Variants in SOAT1 observed in about 807,000 individuals in gnomAD.
SOAT1 encodes sterol O-acyltransferase 1.
SOAT1 carries 55 observed loss-of-function variants against 69.5 expected under a neutral mutation model. The ratio of observed to expected loss-of-function variants is 0.79; its 90% CI spans 0.64 to 0.99. The LOEUF (loss-of-function observed/expected upper bound fraction) is 0.99, where lower values mean the gene tolerates loss of function less well. Ranked by LOEUF, SOAT1 falls within the 50% of genes least tolerant of loss-of-function variation. SOAT1 has a pLI of 0.00. For synonymous variants in SOAT1, 231 were observed against 224.7 expected, an observed-to-expected ratio of 1.03 and a Z score of -0.25; for missense variants, 580 against 669.3, an observed-to-expected ratio of 0.87 and a Z score of 1.47.
At chr1:179,324,114 A>G (rs1236836184) in intron 3 of SOAT1, among the ~76,000 whole-genome samples, 1 of 152,232 alleles carries the variant, frequency 6.6e-6, no homozygotes, top group Non-Finnish European at 1.5e-5. Context: ...CTATATAAAC[A>G]TCCGGTGATG....
intron 1 of SOAT1, among the ~76,000 whole-genome samples, chr1:179,300,893 C>T (rs1016611393): frequency 2.0e-5 from 3 of 151,894 alleles, no homozygotes; most frequent in Non-Finnish European, 2.9e-5. Flanking sequence ...GTCAGAAGTT[C>T]GAGACCAGCG....
At chr1:179,346,006 T>G (rs1056849577) in intron 11 of SOAT1, among the ~76,000 whole-genome samples, 3 of 152,226 alleles carry the variant, frequency 2.0e-5, no homozygotes, top group Non-Finnish European at 4.4e-5. Context: ...ATGTATTATC[T>G]TTACAGTCTG....
chr1:179,340,843 T>TATATA (rs1273578367), intron 6 of SOAT1, among the ~76,000 whole-genome samples, 185 bp from the exon 7 acceptor site: 5 of 143,698 alleles, frequency 3.5e-5, no homozygotes, highest in South Asian at 2.3e-4. Context: ...ATATATATAT[T>TATATA]GTAAAGCAGA....
chr1:179,346,373 T>C (rs1050249947), intron 11 of SOAT1, among the ~76,000 whole-genome samples: 3 of 152,208 alleles, frequency 2.0e-5, no homozygotes, highest in African/African-American at 7.2e-5. Context: ...TTTTACAATA[T>C]ATTGTAATAT....
intron 1 of SOAT1, among the ~76,000 whole-genome samples, chr1:179,295,533 A>G (rs532124266): frequency 7.9e-5 from 12 of 152,350 alleles, no homozygotes; most frequent in Middle Eastern, 3.4e-3. Flanking sequence ...GAAAGAATGA[A>G]TAAGTTGGTG....
chr1:179,299,909 A>C (rs1664777067), intron 1 of SOAT1, among the ~76,000 whole-genome samples: 1 of 147,508 alleles, frequency 6.8e-6, no homozygotes, highest in Non-Finnish European at 1.5e-5. Flanking sequence ...GCCTGCCCCC[A>C]TGCCCAGCTA....
At chr1:179,331,610 A>G (rs896099272) in intron 3 of SOAT1, among the ~76,000 whole-genome samples, 3 of 152,190 alleles carry the variant, frequency 2.0e-5, no homozygotes, top group East Asian at 1.9e-4. Flanking sequence ...AAAAAGATAC[A>G]TCGTTTAAAA....
At chr1:179,312,235 T>C (rs1311518936) in intron 2 of SOAT1, among the ~76,000 whole-genome samples, 1 of 152,162 alleles carries the variant, frequency 6.6e-6, no homozygotes, top group Non-Finnish European at 1.5e-5. Context: ...TCCTAACTTT[T>C]TCTGTAGCGC....
chr1:179,351,926 G>A lies in SOAT1; in HGVS notation c.1596+464G>A, dbSNP rs995616041. ...GTAGAGATGGGGTTTCACCATGTTA[G>A]CCAGGATGGTCTTGATCTCCTGACC... On this transcript the variant is annotated intron_variant, in intron 15 of 15. Coordinates refer to ENST00000367619, the MANE Select transcript of SOAT1 (RefSeq NM_003101.6). 5.3e-5 allele frequency among the ~76,000 whole-genome samples: 8 copies of A among 151,714 alleles called. No individual in the cohort carries two copies. In the South Asian group the frequency reaches 8.3e-4, roughly 16 times the overall value.
intron 2 of SOAT1, among the ~76,000 whole-genome samples, chr1:179,311,952 G>A (rs1665233830): frequency 6.6e-6 from 1 of 152,240 alleles, no homozygotes; most frequent in Middle Eastern, 3.2e-3. Context: ...TTGAAAAAGA[G>A]ATGGGCTACT....
At chr1:179,322,175 C>A (rs182574477) in intron 2 of SOAT1, among the ~76,000 whole-genome samples, 3 of 152,228 alleles carry the variant, frequency 2.0e-5, no homozygotes, top group Admixed American at 2.0e-4. Context: ...TGCACCCCCA[C>A]GCCCAGCCTT....
At chr1:179,296,008 G>A (rs1161185508) in intron 1 of SOAT1, among the ~76,000 whole-genome samples, 8 of 105,894 alleles carry the variant, frequency 7.6e-5, no homozygotes, top group African/African-American at 1.5e-4. Flanking sequence ...TTTTAGTAAA[G>A]ACTGATCAGA....
intron 4 of SOAT1, among the ~76,000 whole-genome samples, chr1:179,336,917 C>T (rs1341695681): frequency 6.6e-6 from 1 of 151,908 alleles, no homozygotes; most frequent in Non-Finnish European, 1.5e-5. Flanking sequence ...ATCACTCAAA[C>T]CCGGGGGAAG....
chr1:179,325,189 G>GC (rs1665741910), intron 3 of SOAT1, among the ~76,000 whole-genome samples: 1 of 120,638 alleles, frequency 8.3e-6, no homozygotes, highest in Non-Finnish European at 1.6e-5. Context: ...TCGCTCTGTT[G>GC]CCCAGGCTGG....
chr1:179,337,906 TTTAG>T lies in SOAT1; in HGVS notation c.389+13_389+16del, dbSNP rs1292595367. On this transcript the variant is annotated intron_variant, in intron 5 of 15. Coordinates refer to ENST00000367619, the MANE Select transcript of SOAT1 (RefSeq NM_003101.6). The stretch of plus-strand genomic sequence containing the variant: ...GGCGCTCTCTCTTAGAGTGAGTATT[TTTAG>T]TTGTTTTTAAATATGTTTGATTTTT... 7.0e-6 allele frequency: 11 copies of T among 1,575,508 alleles called. No individual in the cohort carries two copies. In the African/African-American group the frequency reaches 1.5e-4, roughly 21 times the overall value.
rs149780425 is a variant in SOAT1, at chr1:179,307,369, C to T, written c.118+4567C>T. 1.9e-3 allele frequency among the ~76,000 whole-genome samples: 285 copies of T among 152,268 alleles called. 4 individuals are homozygous for T. The highest frequency in any genetic ancestry group is 6.4e-3 in the African/African-American group (264 of 41,558). On this transcript the variant is annotated intron_variant, in intron 2 of 15. Transcript: ENST00000367619. ...CAAAACACATGCAAGAAGAAATGGT[C>T]AGTGTTTGATTACTGTAGCATTCTG...
intron 3 of SOAT1, among the ~76,000 whole-genome samples, chr1:179,324,628 T>C (rs1665715582): frequency 6.6e-6 from 1 of 152,224 alleles, no homozygotes. Flanking sequence ...TTTGTAAGCC[T>C]CCAGCACTAC....
chr1:179,345,285 T>C (rs1022656556), intron 11 of SOAT1, among the ~76,000 whole-genome samples: 3 of 152,242 alleles, frequency 2.0e-5, no homozygotes, highest in African/African-American at 7.2e-5. Context: ...TTCACTCAAG[T>C]TGTGCCTTTC....
intron 14 of SOAT1, among the ~76,000 whole-genome samples, chr1:179,351,021 C>CTTTTTTTTTTTTTTTTTTTTT (rs201449849): frequency 1.6e-5 from 2 of 127,552 alleles, no homozygotes; most frequent in South Asian, 2.5e-4. Context: ...ATATTTCTTT[C>CTTTTTTTTTTTTTTTTTTTTT]TTTTTTTTTT....
Sources: gnomAD v4.1 joint callset for allele counts (sites outside exome capture counted in the v4.1 genomes callset) on GRCh38, gnomAD v4.1.1 for gene constraint, MANE v1.5 for transcripts, NCBI Gene and HGNC (gene_info 2026-07-23, HGNC 2026-07-21) for gene names.